RBFOX1: variants seen among roughly 807,000 people sequenced by gnomAD.
RBFOX1 encodes RNA binding fox-1 homolog 1.
In RBFOX1, 8 loss-of-function variants were observed where a neutral mutation model predicts 57.7. The ratio of observed to expected loss-of-function variants is 0.14; its 90% CI spans 0.08 to 0.25. The LOEUF is 0.25. RBFOX1 is among the 10% of genes least tolerant of loss of function. The pLI, the probability that RBFOX1 is intolerant of heterozygous loss-of-function variation, is 1.00. For missense variants in RBFOX1, 611 were observed against 548.5 expected (o/e 1.11, Z -1.14); for synonymous variants, 326 against 222.4 (o/e 1.47, Z -4.15).
At chr16:6,487,662 A>G (rs1285075693) in intron 2 of RBFOX1, among the ~76,000 whole-genome samples, 2 of 118,798 alleles carry the variant, frequency 1.7e-5, no homozygotes, top group African/African-American at 3.3e-5. Flanking sequence ...CAAAGATGGC[A>G]GTGATATATG....
chr16:7,241,053 T>C (rs1423373050), intron 4 of RBFOX1, among the ~76,000 whole-genome samples: 2 of 152,148 alleles, frequency 1.3e-5, no homozygotes, highest in Non-Finnish European at 2.9e-5. Context: ...TGGATTTGGG[T>C]TGGAAAAGAA....
At chr16:6,594,891 C>T (rs1311454296) in intron 2 of RBFOX1, among the ~76,000 whole-genome samples, 2 of 152,160 alleles carry the variant, frequency 1.3e-5, no homozygotes, top group African/African-American at 4.8e-5. Flanking sequence ...CGGGTTCAAG[C>T]GATTCTCCTG....
At chr16:5,249,057 G>T (rs2062379061) in intron 1 of RBFOX1, among the ~76,000 whole-genome samples, 1 of 150,622 alleles carries the variant, frequency 6.6e-6, no homozygotes, top group Non-Finnish European at 1.5e-5. Context: ...TGGGGCAGCA[G>T]CCAGGACCTT....
chr16:5,479,444 C>T (rs2069445392), intron 2 of RBFOX1, among the ~76,000 whole-genome samples: 2 of 152,124 alleles, frequency 1.3e-5, no homozygotes, highest in African/African-American at 2.4e-5. Context: ...GAGCTTCAGG[C>T]AGAGTATTGT....
At position 6,799,467 on chromosome 16, in the gene RBFOX1, T is replaced by A. The variant is rs528807394; in HGVS notation, c.-16+144817T>A. On this transcript the variant is annotated intron_variant, in intron 3 of 15. Coordinates refer to ENST00000550418, the MANE Select transcript of RBFOX1 (RefSeq NM_018723.4). ...AGGGAGTTCCCAGAGCCATTCATGATGGTTAATATTAGGTGTTAACTTGAT... is the reference window on the plus strand; with the variant it reads ...AGGGAGTTCCCAGAGCCATTCATGAAGGTTAATATTAGGTGTTAACTTGAT... 2.0e-5 allele frequency among the ~76,000 whole-genome samples: 3 copies of A among 152,296 alleles called. No individual in the cohort carries two copies. The East Asian group carries it at 5.8e-4, about 29-fold the overall frequency.
At chr16:6,967,265 C>G (rs13335060) in intron 3 of RBFOX1, among the ~76,000 whole-genome samples, 5,460 of 152,212 alleles carry the variant, frequency 0.036, 313 homozygotes, top group African/African-American at 0.12. Flanking sequence ...TGTCTGTACA[C>G]TCATCATTTC....
Position 7,662,791 on chromosome 16 carries a change from G to A in RBFOX1, c.891-2138G>A, listed in dbSNP as rs78986407. Among the ~76,000 whole-genome samples, 1,435 of 152,306 alleles carry A rather than the reference G, an allele frequency of 9.4e-3. 24 individuals are homozygous for A. Among genetic ancestry groups the A allele is most frequent in the African/African-American group, 0.032 (1,313 of 41,578 alleles). On this transcript the variant is annotated intron_variant, in intron 12 of 15. Coordinates refer to ENST00000550418, the MANE Select transcript of RBFOX1 (RefSeq NM_018723.4). ...CATGATGCCACCCATCCCTTTGCAA[G>A]CATTATCTTACGAAACCCTTTCTTG... is the stretch of plus-strand genomic sequence containing the variant.
intron 2 of RBFOX1, among the ~76,000 whole-genome samples, chr16:6,478,402 TATATA>T (rs2095309047): frequency 8.9e-5 from 1 of 11,288 alleles, no homozygotes; most frequent in African/African-American, 3.3e-4. Context: ...TATATATATA[TATATA>T]TATATATATA....
chr16:7,696,151 A>T (rs1209624262), intron 14 of RBFOX1, among the ~76,000 whole-genome samples: 9 of 152,168 alleles, frequency 5.9e-5, no homozygotes, highest in Admixed American at 5.2e-4. Context: ...GGTCTGTGAG[A>T]CTAATTTACA....
intron 3 of RBFOX1, among the ~76,000 whole-genome samples, chr16:7,002,559 A>C (rs1365296852): frequency 6.6e-6 from 1 of 152,046 alleles, no homozygotes; most frequent in Non-Finnish European, 1.5e-5. Context: ...TAAAAATACA[A>C]AAATTTGCTG....
At chr16:7,670,842 A>G (rs2071183279) in intron 13 of RBFOX1, among the ~76,000 whole-genome samples, 1 of 152,230 alleles carries the variant, frequency 6.6e-6, no homozygotes, top group South Asian at 2.1e-4. Flanking sequence ...AATCTTGACC[A>G]TGAATGACTC....
At chr16:6,168,518 G>C (rs144178714) in intron 1 of RBFOX1, among the ~76,000 whole-genome samples, 109 of 152,246 alleles carry the variant, frequency 7.2e-4, no homozygotes, top group African/African-American at 2.5e-3. Flanking sequence ...ATTCAACCTT[G>C]AAAATGGGTT....
intron 3 of RBFOX1, among the ~76,000 whole-genome samples, chr16:5,648,936 C>T (rs1007076110): frequency 4.0e-5 from 6 of 151,768 alleles, no homozygotes; most frequent in Admixed American, 3.9e-4. Context: ...TGATGGTTCT[C>T]ACCTGTAGTC....
chr16:6,915,705 C>A (rs1043327589), intron 3 of RBFOX1, among the ~76,000 whole-genome samples: 1 of 151,908 alleles, frequency 6.6e-6, no homozygotes, highest in Non-Finnish European at 1.5e-5. Flanking sequence ...TGCGCACCAC[C>A]ATGCCTGACT....
At chr16:6,633,161 G>T (rs1171606303) in intron 2 of RBFOX1, among the ~76,000 whole-genome samples, 1 of 152,196 alleles carries the variant, frequency 6.6e-6, no homozygotes, top group African/African-American at 2.4e-5. Context: ...GCTGCGTGGG[G>T]ATCTTAGCAG....
At chr16:5,369,527 A>G (rs1012472939) in intron 1 of RBFOX1, among the ~76,000 whole-genome samples, 5 of 152,242 alleles carry the variant, frequency 3.3e-5, no homozygotes, top group African/African-American at 1.2e-4. Flanking sequence ...TCCGTGGTAC[A>G]TGCTGCTATC....
intron 2 of RBFOX1, among the ~76,000 whole-genome samples, chr16:6,621,473 A>AAACAAC (rs75290104): frequency 1.9e-4 from 29 of 151,558 alleles, no homozygotes; most frequent in South Asian, 1.0e-3. Context: ...CAAAACAAAC[A>AAACAAC]AACAACAACA....
chr16:6,827,653 C>G (rs187868501), intron 3 of RBFOX1, among the ~76,000 whole-genome samples: 3 of 152,314 alleles, frequency 2.0e-5, no homozygotes, highest in Admixed American at 2.0e-4. Flanking sequence ...CCTTCCCCCT[C>G]CTCACCCTTT....
chr16:7,479,344 T>G (rs1026730095), intron 4 of RBFOX1, among the ~76,000 whole-genome samples: 3 of 152,094 alleles, frequency 2.0e-5, no homozygotes, highest in Non-Finnish European at 4.4e-5. Context: ...TTGCCCAGGC[T>G]AGTCTTGAAC....
Sources: gnomAD v4.1 joint callset for allele counts (sites outside exome capture counted in the v4.1 genomes callset) on GRCh38, gnomAD v4.1.1 for gene constraint, MANE v1.5 for transcripts, NCBI Gene and HGNC (gene_info 2026-07-23, HGNC 2026-07-21) for gene names.